ARHGAP39: variants seen among roughly 807,000 people sequenced by gnomAD.
The protein encoded by ARHGAP39 is Rho GTPase activating protein 39, also known as rho GTPase-activating protein 39.
A neutral mutation model predicts 106.9 loss-of-function variants in ARHGAP39; 44 were observed. The observed-to-expected ratio is 0.41, with a 90% confidence interval of 0.32 to 0.53. The LOEUF (loss-of-function observed/expected upper bound fraction) is 0.53, where lower values mean the gene tolerates loss of function less well. ARHGAP39 is among the 20% of genes least tolerant of loss of function. The probability of loss-of-function intolerance (pLI) is 0.21; values close to 1 mark genes in which losing one functional copy is unlikely to be tolerated. For missense variants in ARHGAP39, 1,496 were observed against 1,577.3 expected (o/e 0.95, Z 0.87); for synonymous variants, 768 against 693.2 (o/e 1.11, Z -1.69).
At chr8:144,675,583 T>A (rs1822212404) in intron 1 of ARHGAP39, among the ~76,000 whole-genome samples, 1 of 151,366 alleles carries the variant, frequency 6.6e-6, no homozygotes, top group Non-Finnish European at 1.5e-5. Context: ...GCCTCAGGAG[T>A]GAAGCTGCAG....
At chr8:144,633,497 T>C (rs948485350) in intron 1 of ARHGAP39, among the ~76,000 whole-genome samples, 8 of 152,164 alleles carry the variant, frequency 5.3e-5, no homozygotes, top group African/African-American at 1.7e-4. Flanking sequence ...AAAATTGGAA[T>C]GTCCAGTCGG....
Position 144,605,631 on chromosome 8 carries a change from GC to G in ARHGAP39, c.-18del. 6.2e-7 allele frequency: 1 copy of G among 1,611,834 alleles called. No homozygotes were observed. Among genetic ancestry groups the G allele is most frequent in the Non-Finnish European group, 8.5e-7 (1 of 1,179,806 alleles). On this transcript the variant is annotated 5_prime_UTR_variant, in exon 2 of 12. Coordinates refer to ENST00000377307, the MANE Select transcript of ARHGAP39 (RefSeq NM_025251.3). ...CTGGGACATCGCTGTTTGCTTCCGCGCCCACGTGGACAGACGTCAGGGCACC... is the reference window on the plus strand; with the variant it reads ...CTGGGACATCGCTGTTTGCTTCCGCGCCACGTGGACAGACGTCAGGGCACC...
At chr8:144,616,618 C>A (rs1054161179) in intron 1 of ARHGAP39, among the ~76,000 whole-genome samples, 3 of 152,214 alleles carry the variant, frequency 2.0e-5, no homozygotes, top group African/African-American at 7.2e-5. Flanking sequence ...TCACCCCAGG[C>A]CGCCCTAGGC....
In ARHGAP39 at chr8:144,545,402, G is replaced by A. The variant is rs1371010741; in HGVS notation, c.2368C>T (p.Arg790Trp). The change falls in exon 6 of 12, where the codon CGG (arginine) becomes TGG (tryptophan). Residue 790 changes from arginine to tryptophan, a missense_variant. Arg to Trp is a moderately radical substitution (Grantham distance 101, BLOSUM62 -3). This residue lies in a region of ARHGAP39 where 470 missense variants were observed against 605.1 expected (regional missense o/e 0.78). Coordinates refer to ENST00000377307, the MANE Select transcript of ARHGAP39 (RefSeq NM_025251.3). The part of the protein sequence containing the change: ...LRDELYIQLC[R>W]QTTENFRLES... ...AGGCGGAAGTTCTCGGTGGTCTGCC[G>A]GCACAGCTGGATGTAGAGCTCGTCC... 6.8e-7 allele frequency: 1 copy of A among 1,473,960 alleles called. No homozygotes were observed. The highest frequency in any genetic ancestry group is 9.0e-7 in the Non-Finnish European group (1 of 1,105,886). The allele number at this position is 1,473,960 out of a possible 1,614,324, so 91.3% of individuals were successfully genotyped here.
chr8:144,580,266 A>G (rs977246157), intron 3 of ARHGAP39, among the ~76,000 whole-genome samples: 2 of 151,418 alleles, frequency 1.3e-5, no homozygotes, highest in African/African-American at 4.9e-5. Flanking sequence ...ACTGATCTAC[A>G]CCCTCCACCT....
chr8:144,636,109 G>C (rs1295282148), intron 1 of ARHGAP39, among the ~76,000 whole-genome samples: 8 of 152,044 alleles, frequency 5.3e-5, no homozygotes, highest in Non-Finnish European at 2.9e-5. Context: ...CTGAATTAGA[G>C]GGGGGCTGAA....
chr8:144,561,380 GGACT>G (rs1818144301), intron 3 of ARHGAP39, among the ~76,000 whole-genome samples: 1 of 150,336 alleles, frequency 6.7e-6, no homozygotes, highest in Admixed American at 6.6e-5. Context: ...GGTTTCCATC[GGACT>G]CACCCCAGTG....
At chr8:144,631,107 C>T (rs538861172) in intron 1 of ARHGAP39, among the ~76,000 whole-genome samples, 100 of 152,292 alleles carry the variant, frequency 6.6e-4, no homozygotes, top group African/African-American at 2.4e-3. Context: ...TTTAAATGAC[C>T]AGATCCATCT....
At chr8:144,698,897 T>C in the ARHGAP39 span, 2 of 455,544 alleles carry the variant, frequency 4.4e-6, no homozygotes, top group African/African-American at 2.0e-5. Flanking sequence ...TTGGGGGGGT[T>C]GGGGGGTCCA....
At chr8:144,560,010 G>A (rs760095464) in intron 3 of ARHGAP39, among the ~76,000 whole-genome samples, 6 of 152,240 alleles carry the variant, frequency 3.9e-5, no homozygotes, top group Non-Finnish European at 8.8e-5. Flanking sequence ...GCCTGTGGTA[G>A]ACAGCACTAA....
intron 2 of ARHGAP39, among the ~76,000 whole-genome samples, chr8:144,596,863 C>T (rs934345865): frequency 2.0e-5 from 3 of 152,208 alleles, no homozygotes; most frequent in African/African-American, 7.2e-5. Context: ...CCCTAAGCAC[C>T]GGAGGGCGCA....
In ARHGAP39 at chr8:144,547,583, CAA is replaced by C; in HGVS notation, c.1501_1502del (p.Leu501ValfsTer10). ...TGGGGGTGGCGCTGGTGGCTTGGCA[CAA>C]AGAGGGCTTTCTGCTCTTCCGCTTG... ...TRKRKSRKPS[L>X]CQATSATPTE... On this transcript the variant is annotated frameshift_variant, in exon 5 of 12. Transcript: ENST00000377307. LOFTEE classifies it high-confidence loss of function. The surrounding 1 kb of genome is among the most constrained non-coding windows in gnomAD (Gnocchi z 5.2). 6.8e-7 allele frequency: 1 copy of C among 1,475,178 alleles called. No individual in the cohort carries two copies. Among genetic ancestry groups the C allele is most frequent in the Non-Finnish European group, 9.0e-7 (1 of 1,115,006 alleles). 91.4% of individuals were successfully genotyped at this position (1,475,178 alleles called of 1,614,324 possible).
In ARHGAP39 at chr8:144,605,517, G is replaced by A; in HGVS notation, c.80+18C>T. On this transcript the variant is annotated intron_variant, in intron 2 of 11. Coordinates refer to ENST00000377307, the MANE Select transcript of ARHGAP39 (RefSeq NM_025251.3). ...CTCGTGAGGCCCGGGCAGCTCCGCA[G>A]GTCGGTCGGCTCCTTACCGAGTGTT... is the stretch of plus-strand genomic sequence containing the variant. 6.2e-7 allele frequency: 1 copy of A among 1,613,540 alleles called. No homozygotes were observed. Among genetic ancestry groups the A allele is most frequent in the Non-Finnish European group, 8.5e-7 (1 of 1,179,774 alleles).
chr8:144,600,571 T>C (rs367933180), intron 2 of ARHGAP39, among the ~76,000 whole-genome samples: 8 of 141,508 alleles, frequency 5.7e-5, no homozygotes, highest in African/African-American at 2.2e-4. Flanking sequence ...CGTGGAGGCG[T>C]GCATGTGCAC....
chr8:144,534,548 C>T (rs1816877058), intron 7 of ARHGAP39, among the ~76,000 whole-genome samples: 1 of 152,206 alleles, frequency 6.6e-6, no homozygotes, highest in Non-Finnish European at 1.5e-5. Context: ...AGGGAGCTGT[C>T]CAGGTATTTG....
intron 3 of ARHGAP39, 93 bp from the exon 4 acceptor site, chr8:144,555,736 C>G: frequency 9.1e-7 from 1 of 1,093,884 alleles, no homozygotes; most frequent in South Asian, 1.3e-5. Flanking sequence ...GCACTGCCAC[C>G]TCAATTTCCT....
intron 1 of ARHGAP39, among the ~76,000 whole-genome samples, chr8:144,680,210 C>T (rs761396443): frequency 8.5e-5 from 13 of 152,194 alleles, no homozygotes; most frequent in Non-Finnish European, 1.9e-4. Context: ...TAGAAGACCA[C>T]CTCGTCTTGA....
At chr8:144,680,740 C>A (rs2129763787) in intron 1 of ARHGAP39, among the ~76,000 whole-genome samples, 1 of 152,248 alleles carries the variant, frequency 6.6e-6, no homozygotes, top group Middle Eastern at 3.4e-3. Flanking sequence ...GGGAAAGCCA[C>A]ACTAAATGTT....
the ARHGAP39 span, among the ~76,000 whole-genome samples, chr8:144,699,398 G>A: frequency 9.0e-6 from 1 of 111,634 alleles, no homozygotes; most frequent in South Asian, 3.3e-4. Flanking sequence ...GCCGGTGTGG[G>A]GGTGCTGTGG....
Sources: allele counts gnomAD v4.1 joint callset (sites outside exome capture counted in the v4.1 genomes callset), GRCh38; gene constraint gnomAD v4.1.1; regional missense constraint gnomAD v4.1.1; non-coding constraint Gnocchi (gnomAD v3.1); transcripts MANE v1.5; gene names NCBI Gene and HGNC (gene_info 2026-07-23, HGNC 2026-07-21).